The following PAPSS2 variants were observed in gnomAD, a reference collection of about 807,000 sequenced individuals.
PAPSS2 encodes 3'-phosphoadenosine 5'-phosphosulfate synthase 2, also known as bifunctional 3'-phosphoadenosine 5'-phosphosulfate synthase 2.
A neutral mutation model predicts 66.5 loss-of-function variants in PAPSS2; 61 were observed. The ratio of observed to expected loss-of-function variants is 0.92; its 90% CI spans 0.75 to 1.14. PAPSS2 has a LOEUF of 1.14. Among genes scored for constraint, PAPSS2 ranks in the 50% most tolerant of loss-of-function variants. The pLI, the probability that PAPSS2 is intolerant of heterozygous loss-of-function variation, is 0.00. For missense variants in PAPSS2, 708 were observed against 789.6 expected (o/e 0.90, Z 1.24); for synonymous variants, 289 against 287.5 (o/e 1.01, Z -0.05).
chr10:87,731,997 C>T (rs1052672812), intron 9 of PAPSS2, among the ~76,000 whole-genome samples: 3 of 152,148 alleles, frequency 2.0e-5, no homozygotes, highest in African/African-American at 7.2e-5. Flanking sequence ...TTCTACCATG[C>T]GTAAAATGCT....
At chr10:87,689,521 C>G (rs1375803966) in intron 1 of PAPSS2, among the ~76,000 whole-genome samples, 2 of 151,570 alleles carry the variant, frequency 1.3e-5, no homozygotes, top group South Asian at 2.1e-4. Context: ...AAAAAATTAG[C>G]CAGGCGTGGT....
intron 1 of PAPSS2, among the ~76,000 whole-genome samples, chr10:87,687,850 A>C (rs1237654395): frequency 6.6e-6 from 1 of 152,150 alleles, no homozygotes; most frequent in Non-Finnish European, 1.5e-5. Flanking sequence ...AAGAATCAAG[A>C]GAGAAGAATA....
intron 1 of PAPSS2, among the ~76,000 whole-genome samples, chr10:87,668,768 T>C (rs1852842690): frequency 6.6e-6 from 1 of 152,090 alleles, no homozygotes; most frequent in Admixed American, 6.6e-5. Context: ...TGACAGTTGA[T>C]ATACAGCGTT....
At chr10:87,697,230 C>CA (rs1853245560) in intron 1 of PAPSS2, among the ~76,000 whole-genome samples, 1 of 152,166 alleles carries the variant, frequency 6.6e-6, no homozygotes, top group Admixed American at 6.6e-5. Flanking sequence ...AAAAAACGAA[C>CA]ATGGTTATGG....
intron 1 of PAPSS2, among the ~76,000 whole-genome samples, chr10:87,662,162 T>C (rs1852760195): frequency 6.6e-6 from 1 of 152,172 alleles, no homozygotes; most frequent in South Asian, 2.1e-4. Context: ...TACTGCACTG[T>C]CAACAGAGGA....
intron 4 of PAPSS2, 137 bp downstream of exon 4, chr10:87,714,319 T>A (rs1427662744): frequency 6.8e-6 from 6 of 876,218 alleles, no homozygotes; most frequent in Non-Finnish European, 1.1e-5. Context: ...TTTTATCAGA[T>A]CATGATATAT....
intron 7 of PAPSS2, 51 bp from the exon 8 acceptor site, chr10:87,721,705 C>T (rs925178594): frequency 1.2e-5 from 16 of 1,367,436 alleles, no homozygotes; most frequent in South Asian, 3.9e-5. Flanking sequence ...CTGTAAGATT[C>T]GTTTGGTGGA....
At chr10:87,692,908 A>G (rs1465391362) in intron 1 of PAPSS2, among the ~76,000 whole-genome samples, 1 of 152,188 alleles carries the variant, frequency 6.6e-6, no homozygotes, top group Non-Finnish European at 1.5e-5. Context: ...GCCAATAATC[A>G]TCATAACAAC....
At position 87,729,910 on chromosome 10, in the gene PAPSS2, C is replaced by T. The variant is rs530634102; in HGVS notation, c.1086+2421C>T. ...ACTTGGGAGCTTGAGGCAGGAGAAT[C>T]GCTTGAACCCAGGAAGTGGAGGTTG... On this transcript the variant is annotated intron_variant, in intron 9 of 12. Coordinates refer to ENST00000456849, the MANE Select transcript of PAPSS2 (RefSeq NM_001015880.2). Among the ~76,000 whole-genome samples the T allele has an allele frequency of 9.2e-5, 14 of 152,134 alleles. No homozygotes were observed. The East Asian group carries it at 1.9e-3, about 21-fold the overall frequency.
chr10:87,719,952 C>A (rs113765638), intron 7 of PAPSS2, among the ~76,000 whole-genome samples: 2 of 152,132 alleles, frequency 1.3e-5, no homozygotes, highest in African/African-American at 4.8e-5. Context: ...GTGGCGCGAT[C>A]TCTGCTCACT....
chr10:87,681,687 C>T (rs1853023314), intron 1 of PAPSS2, among the ~76,000 whole-genome samples: 1 of 152,168 alleles, frequency 6.6e-6, no homozygotes, highest in Admixed American at 6.5e-5. Context: ...CCCTGGTGCC[C>T]ATTCGCAGTC....
chr10:87,722,925 A>T (rs1337197153), intron 8 of PAPSS2, among the ~76,000 whole-genome samples: 1 of 152,154 alleles, frequency 6.6e-6, no homozygotes, highest in South Asian at 2.1e-4. Flanking sequence ...AACCTGCCAG[A>T]GTGTTATTTA....
chr10:87,700,653 G>C (rs1589429350), intron 1 of PAPSS2, among the ~76,000 whole-genome samples: 1 of 139,724 alleles, frequency 7.2e-6, no homozygotes, highest in East Asian at 2.0e-4. Flanking sequence ...GTGAGACCCT[G>C]TCTCAAAAAA....
chr10:87,734,034 A>T (rs1853762170), intron 9 of PAPSS2, among the ~76,000 whole-genome samples: 1 of 152,128 alleles, frequency 6.6e-6, no homozygotes, highest in African/African-American at 2.4e-5. Context: ...TTGGGTCAGG[A>T]CATTTCAATT....
chr10:87,709,401 A>C lies in PAPSS2; in HGVS notation c.145+88A>C, dbSNP rs1055018745. 4.9e-6 allele frequency: 4 copies of C among 811,656 alleles called. No individual in the cohort carries two copies. The African/African-American group carries it at 6.8e-5, about 14-fold the overall frequency. 50.3% of individuals were successfully genotyped at this position (811,656 alleles called of 1,614,324 possible). On this transcript the variant is annotated intron_variant, in intron 2 of 12. Transcript: ENST00000456849. ...TATGGAAATTAGTGTAACGTATTACATGCTTGTTTTATCATTAGAAGGAGG... is the reference window on the plus strand; with the variant it reads ...TATGGAAATTAGTGTAACGTATTACCTGCTTGTTTTATCATTAGAAGGAGG...
In PAPSS2 at chr10:87,689,676, A is replaced by AG. The variant is rs1235304995; in HGVS notation, c.28-19520_28-19519insG. On this transcript the variant is annotated intron_variant, in intron 1 of 12. Coordinates refer to ENST00000456849, the MANE Select transcript of PAPSS2 (RefSeq NM_001015880.2). Reference sequence around the variant, plus strand: ...GAGCGAAACCTTGTCTCAAAAAAAAAAAAAAAGAAAAAAAAAAAGAACTGG... The same window carrying AG: ...GAGCGAAACCTTGTCTCAAAAAAAAAGAAAAAAGAAAAAAAAAAAGAACTGG... Among the ~76,000 whole-genome samples the AG allele has an allele frequency of 1.8e-3, 270 of 150,020 alleles. 1 individual carries two copies. Among genetic ancestry groups the AG allele is most frequent in the African/African-American group, 6.3e-3 (254 of 40,378 alleles).
chr10:87,705,765 G>T, intron 1 of PAPSS2, among the ~76,000 whole-genome samples: 1 of 149,152 alleles, frequency 6.7e-6, no homozygotes, highest in East Asian at 2.0e-4. Context: ...ATGGAGTCTC[G>T]CTCTGTCGCC....
chr10:87,745,677 C>T (rs1374383711), intron 12 of PAPSS2, among the ~76,000 whole-genome samples, 155 bp from the exon 13 acceptor site: 2 of 152,236 alleles, frequency 1.3e-5, no homozygotes, highest in Non-Finnish European at 2.9e-5. Flanking sequence ...CCCTTCTCTT[C>T]TGCAAGTTCC....
chr10:87,687,583 G>A (rs970398154), intron 1 of PAPSS2, among the ~76,000 whole-genome samples: 2 of 152,192 alleles, frequency 1.3e-5, no homozygotes, highest in African/African-American at 4.8e-5. Flanking sequence ...ACGATAGAAG[G>A]GAAGGGAGGA....
Sources: allele counts gnomAD v4.1 joint callset (sites outside exome capture counted in the v4.1 genomes callset), GRCh38; gene constraint gnomAD v4.1.1; transcripts MANE v1.5; gene names NCBI Gene and HGNC (gene_info 2026-07-23, HGNC 2026-07-21).